PLA2G4A: variants seen among roughly 807,000 people sequenced by gnomAD.
PLA2G4A encodes the protein cytosolic phospholipase A2.
Under a neutral mutation model 81.9 loss-of-function variants are expected in PLA2G4A, and 40 were observed. The observed-to-expected ratio is 0.49, with a 90% CI of 0.38 to 0.64. PLA2G4A has a LOEUF of 0.64. Ranked by LOEUF, PLA2G4A falls within the 30% of genes least tolerant of loss-of-function variation. The probability of loss-of-function intolerance (pLI) is 0.00; values close to 1 mark genes in which losing one functional copy is unlikely to be tolerated. For synonymous variants in PLA2G4A, 302 were observed against 296.9 expected (o/e 1.02, Z -0.18); for missense variants, 715 against 905.1 (o/e 0.79, Z 2.69).
intron 1 of PLA2G4A, among the ~76,000 whole-genome samples, chr1:186,829,459 C>T (rs543562990): frequency 6.6e-6 from 1 of 152,310 alleles, no homozygotes; most frequent in East Asian, 1.9e-4. Context: ...TGTTGACTCA[C>T]TTAACTTTTA....
chr1:186,906,958 T>G lies in PLA2G4A; in HGVS notation c.379-7T>G, dbSNP rs756342762. 6.9e-7 allele frequency: 1 copy of G among 1,455,988 alleles called. No homozygotes were observed. The highest frequency in any genetic ancestry group is 2.3e-5 in the East Asian group (1 of 43,966). The allele number at this position is 1,455,988 out of a possible 1,614,324, so 90.2% of individuals were successfully genotyped here. The stretch of plus-strand genomic sequence containing the variant: ...TGACCTAATCTGATTAACATGTCTT[T>G]TTTTAGGTCACTGAAATGGTTCTAG... On this transcript the variant is annotated splice_polypyrimidine_tract_variant and splice_region_variant and intron_variant, in intron 5 of 17. Transcript: ENST00000367466.
At chr1:186,968,831 T>C (rs898504846) in intron 15 of PLA2G4A, among the ~76,000 whole-genome samples, 2 of 151,784 alleles carry the variant, frequency 1.3e-5, no homozygotes, top group Non-Finnish European at 2.9e-5. Context: ...TACATTACTA[T>C]GTCTAATTAT....
intron 1 of PLA2G4A, among the ~76,000 whole-genome samples, chr1:186,848,392 A>G (rs1652261178): frequency 6.6e-6 from 1 of 152,116 alleles, no homozygotes; most frequent in Admixed American, 6.6e-5. Context: ...GTTTGACCAT[A>G]GGCAGGGGAG....
chr1:186,858,446 A>T (rs1055385111), intron 2 of PLA2G4A, among the ~76,000 whole-genome samples: 2 of 151,772 alleles, frequency 1.3e-5, no homozygotes, highest in East Asian at 1.9e-4. Context: ...CCACTTTTTG[A>T]TAGGGTTGTT....
At chr1:186,976,665 T>A (rs757072464) in intron 15 of PLA2G4A, among the ~76,000 whole-genome samples, 2 of 152,188 alleles carry the variant, frequency 1.3e-5, no homozygotes. Flanking sequence ...ATTCTGCTTC[T>A]TATTTATTCT....
rs142059963 is a variant in PLA2G4A at position 186,932,780 on chromosome 1, A to T, written c.576A>T (p.Ile192=). The change falls in exon 8 of 18, where the codon ATA becomes ATT. Residue 192 remains isoleucine (I), a synonymous_variant. Coordinates refer to ENST00000367466, the MANE Select transcript of PLA2G4A (RefSeq NM_024420.3). ...CGTTTCAGGTGCCTGTGGTAGCCAT[A>T]TTGGGTTCAGGTGGGGGTTTCCGAG... The part of the protein sequence containing the change: ...HSARDVPVVA[I]LGSGGGFRAM... The T allele has an allele frequency of 1.2e-4, 193 of 1,613,680 alleles. 2 individuals are homozygous for T. In the East Asian group the frequency reaches 4.2e-3, roughly 35 times the overall value.
intron 1 of PLA2G4A, among the ~76,000 whole-genome samples, chr1:186,836,130 G>A (rs1352305647): frequency 2.0e-5 from 3 of 151,616 alleles, no homozygotes; most frequent in Admixed American, 6.6e-5. Context: ...ATTTGATTTG[G>A]TTGATCAATA....
chr1:186,906,017 T>A (rs1019518670), intron 5 of PLA2G4A, among the ~76,000 whole-genome samples: 2 of 152,204 alleles, frequency 1.3e-5, no homozygotes, highest in African/African-American at 4.8e-5. Context: ...ATTCTAAAAA[T>A]TTCCTCTGCA....
intron 15 of PLA2G4A, among the ~76,000 whole-genome samples, chr1:186,970,307 T>A (rs1373834378): frequency 6.6e-6 from 1 of 152,060 alleles, no homozygotes; most frequent in Admixed American, 6.6e-5. Flanking sequence ...TGTGTATTAA[T>A]CCCTTGTCAG....
At chr1:186,924,692 C>T (rs1307034502) in intron 7 of PLA2G4A, among the ~76,000 whole-genome samples, 2 of 152,008 alleles carry the variant, frequency 1.3e-5, no homozygotes, top group Non-Finnish European at 1.5e-5. Context: ...CCTGCCTCGA[C>T]CTCCCAAAGT....
intron 10 of PLA2G4A, among the ~76,000 whole-genome samples, chr1:186,940,837 T>G (rs930233138): frequency 5.9e-5 from 9 of 152,174 alleles, no homozygotes; most frequent in African/African-American, 2.2e-4. Flanking sequence ...ATGTTTGCCA[T>G]TCAAAGTGCT....
chr1:186,832,539 C>A (rs572006323), intron 1 of PLA2G4A, among the ~76,000 whole-genome samples: 3 of 152,096 alleles, frequency 2.0e-5, no homozygotes, highest in Non-Finnish European at 4.4e-5. Flanking sequence ...TATGTCAATA[C>A]TGGGTGCCAT....
In PLA2G4A at chr1:186,851,032, G is replaced by A. The variant is rs559258630; in HGVS notation, c.-69-3254G>A. On this transcript the variant is annotated intron_variant, in intron 1 of 17. Transcript: ENST00000367466. ...TCATATGCATTGAATATTTATTATG[G>A]GCTAGGTACCTTTCACAGTACTGTT... 7.9e-5 allele frequency among the ~76,000 whole-genome samples: 12 copies of A among 151,862 alleles called. No individual in the cohort carries two copies. In the South Asian group the frequency reaches 2.5e-3, roughly 32 times the overall value.
At position 186,968,363 on chromosome 1, in the gene PLA2G4A, T is replaced by A. The variant is rs572247816; in HGVS notation, c.1764+2770T>A. Among the ~76,000 whole-genome samples, 131 of 151,252 alleles carry A rather than the reference T, an allele frequency of 8.7e-4. 1 individual carries two copies. The highest frequency in any genetic ancestry group is 2.2e-3 in the Admixed American group (33 of 15,154). ...TACTTCCAGACAACAGCTGTTAATA[T>A]TTTGGTATTTTCTTCTAGTCTCTTT... is the stretch of plus-strand genomic sequence containing the variant. On this transcript the variant is annotated intron_variant, in intron 15 of 17. Transcript: ENST00000367466.
chr1:186,968,652 C>A (rs1254722401), intron 15 of PLA2G4A, among the ~76,000 whole-genome samples: 1 of 151,716 alleles, frequency 6.6e-6, no homozygotes, highest in Non-Finnish European at 1.5e-5. Flanking sequence ...GCTCTATTTT[C>A]AACTTTTAGA....
At chr1:186,962,481 TTTTATTTTATTTA>T (rs1349070059) in intron 14 of PLA2G4A, among the ~76,000 whole-genome samples, 1 of 130,592 alleles carries the variant, frequency 7.7e-6, no homozygotes, top group African/African-American at 3.5e-5. Context: ...TTTGTAGTTA[TTTTATTTTATTTA>T]TTTATTTATT....
At chr1:186,912,234 C>T (rs1025382296) in intron 7 of PLA2G4A, among the ~76,000 whole-genome samples, 2 of 152,110 alleles carry the variant, frequency 1.3e-5, no homozygotes, top group South Asian at 4.1e-4. Context: ...GAAAATTAAC[C>T]ATTATACTCC....
At chr1:186,913,361 A>G (rs59707908) in intron 7 of PLA2G4A, among the ~76,000 whole-genome samples, 3 of 151,862 alleles carry the variant, frequency 2.0e-5, no homozygotes, top group Non-Finnish European at 4.4e-5. Flanking sequence ...ACTCAATCAT[A>G]TATCTTAAAA....
chr1:186,849,091 T>C (rs1253854380), intron 1 of PLA2G4A, among the ~76,000 whole-genome samples: 1 of 152,130 alleles, frequency 6.6e-6, no homozygotes, highest in Non-Finnish European at 1.5e-5. Context: ...TCATTTGACA[T>C]TAAGAATTGT....
Sources: gnomAD v4.1 joint callset for allele counts (sites outside exome capture counted in the v4.1 genomes callset) on GRCh38, gnomAD v4.1.1 for gene constraint, MANE v1.5 for transcripts, NCBI Gene and HGNC (gene_info 2026-07-23, HGNC 2026-07-21) for gene names.